Variants in CLOCK observed in about 807,000 individuals in gnomAD.
CLOCK encodes the protein clock circadian regulator.
CLOCK carries 43 observed loss-of-function variants against 118.4 expected under a neutral mutation model. The ratio of observed to expected loss-of-function variants is 0.36; its 90% CI spans 0.28 to 0.47. CLOCK has a LOEUF of 0.47. Among genes scored for constraint, CLOCK ranks in the 20% least tolerant of loss-of-function variants. The pLI, the probability that CLOCK is intolerant of heterozygous loss-of-function variation, is 1.00. For missense variants in CLOCK, 846 were observed against 999.9 expected, an observed-to-expected ratio of 0.85 and a Z score of 2.08; for synonymous variants, 326 against 339.2, an observed-to-expected ratio of 0.96 and a Z score of 0.43.
intron 9 of CLOCK, 121 bp downstream of exon 9, chr4:55,463,564 A>T (rs1353011271): frequency 1.2e-6 from 1 of 803,790 alleles, no homozygotes; most frequent in African/African-American, 1.7e-5. Context: ...TTGAAAAAGG[A>T]CCTAATAGGG....
At chr4:55,486,204 TAG>T (rs918739065) in intron 3 of CLOCK, among the ~76,000 whole-genome samples, 1 of 152,242 alleles carries the variant, frequency 6.6e-6, no homozygotes, top group African/African-American at 2.4e-5. Flanking sequence ...CAGTTTTTCC[TAG>T]AGTTACCATT....
intron 5 of CLOCK, 43 bp downstream of exon 5, chr4:55,479,597 T>G (rs1303280023): frequency 1.5e-5 from 21 of 1,382,800 alleles, no homozygotes; most frequent in Non-Finnish European, 2.1e-5. Context: ...TATATTTATC[T>G]ATTATTCATT....
chr4:55,517,071 C>T (rs11133394), intron 1 of CLOCK, among the ~76,000 whole-genome samples: 82,849 of 152,030 alleles, frequency 0.54, 23,778 homozygotes, highest in East Asian at 0.68. Context: ...ATTGAATACA[C>T]TGTTGATAAC....
rs1722420359 is a variant in CLOCK at position 55,430,396 on chromosome 4, A to G, written c.*5019T>C. The G allele has an allele frequency of 1.3e-5, 2 of 152,222 alleles. No individual in the cohort carries two copies. The highest frequency in any genetic ancestry group is 1.5e-5 in the Non-Finnish European group (1 of 68,024). The allele number at this position is 152,222 out of a possible 1,614,324, so 9.4% of individuals were successfully genotyped here. A position where few individuals can be genotyped will look rare whatever the true frequency, so the allele number is the denominator to read the frequency against. Reference sequence around the variant, plus strand: ...GAATGTAGTGTTATGACATAGGGGGAAAAAACTATGCAAAACAGTCACATG... The same window carrying G: ...GAATGTAGTGTTATGACATAGGGGGGAAAAACTATGCAAAACAGTCACATG... On this transcript the variant is annotated 3_prime_UTR_variant, in exon 23 of 23. Transcript: ENST00000513440.
Position 55,478,888 on chromosome 4 carries a change from A to G in CLOCK, c.183T>C (p.Leu61=). 6.2e-7 allele frequency: 1 copy of G among 1,611,928 alleles called. No homozygotes were observed. Among genetic ancestry groups the G allele is most frequent in the Non-Finnish European group, 8.5e-7 (1 of 1,178,666 alleles). The change falls in exon 6 of 23, where the codon CTT becomes CTC. Residue 61 remains leucine, a synonymous_variant. Coordinates refer to ENST00000513440, the MANE Select transcript of CLOCK (RefSeq NM_004898.4). ...TGTCCATCTTTCTAGCATTACCAGGAAGCATGGATCCCAGTTCTTTAATGA... is the reference window on the plus strand; with the variant it reads ...TGTCCATCTTTCTAGCATTACCAGGGAGCATGGATCCCAGTTCTTTAATGA... ...NVLIKELGSM[L]PGNARKMDKS...
chr4:55,463,793 C>G lies in CLOCK; in HGVS notation c.451G>C (p.Asp151His), dbSNP rs375936156. Residue 151 changes from aspartate to histidine, a missense_variant, in exon 9 of 23, where the codon GAT becomes CAT. Physicochemically the swap from Asp to His is moderately conservative, Grantham distance 81. Around this residue, in one of 4 missense-constraint regions of CLOCK, gnomAD observed 246 missense variants for 300.2 expected, o/e 0.82. Transcript: ENST00000513440. The part of the protein sequence containing the change: ...LLEHLPSDLV[D>H]QSIFNFIPEG... ...GGGATAAAATTAAATATACTTTGAT[C>G]CACAAGATCAGACTGAAAAGAAAAT... 2.7e-5 allele frequency: 44 copies of G among 1,609,558 alleles called. No homozygotes were observed. The highest frequency in any genetic ancestry group is 3.5e-5 in the Non-Finnish European group (41 of 1,177,118).
chr4:55,535,187 A>G (rs1175291176), intron 1 of CLOCK, among the ~76,000 whole-genome samples: 3 of 148,998 alleles, frequency 2.0e-5, no homozygotes, highest in African/African-American at 7.3e-5. Flanking sequence ...TTATCAGTAT[A>G]AAAAAAAATT....
At chr4:55,545,471 A>C (rs1164652612) in intron 1 of CLOCK, 1 of 152,242 alleles carries the variant, frequency 6.6e-6, no homozygotes, top group Non-Finnish European at 1.5e-5. Flanking sequence ...TGGGGGGATC[A>C]GCGTTATAGT....
intron 9 of CLOCK, among the ~76,000 whole-genome samples, chr4:55,459,766 G>A (rs1216433024): frequency 6.6e-6 from 1 of 152,052 alleles, no homozygotes; most frequent in East Asian, 1.9e-4. Context: ...GGGCTCAAGT[G>A]AGCCCCCTGC....
chr4:55,514,365 AATT>A (rs1045258905), intron 1 of CLOCK, among the ~76,000 whole-genome samples: 7 of 152,062 alleles, frequency 4.6e-5, no homozygotes, highest in African/African-American at 1.7e-4. Context: ...CTTTTGAAAA[AATT>A]ATTATTTACC....
At chr4:55,510,332 A>G (rs1729057232) in intron 1 of CLOCK, among the ~76,000 whole-genome samples, 2 of 152,196 alleles carry the variant, frequency 1.3e-5, no homozygotes, top group Admixed American at 1.3e-4. Flanking sequence ...AATTGGTTAG[A>G]AAAGTTCTCC....
rs1020017890 is a variant in CLOCK at position 55,470,801 on chromosome 4, A to G, written c.354T>C (p.Leu118=). ...EEFTQLMLEA[L]DGFFLAIMTD... Reference sequence around the variant, plus strand: ...TCATGATTGCTAAAAAAAAACCATCAAGAGCCTGAAATTAAACATAATGAT... The same window carrying G: ...TCATGATTGCTAAAAAAAAACCATCGAGAGCCTGAAATTAAACATAATGAT... Residue 118 remains leucine (L), a synonymous_variant, in exon 8 of 23, where the codon CTT becomes CTC. Transcript: ENST00000513440. 5 of 1,606,342 alleles carry G rather than the reference A, an allele frequency of 3.1e-6. No individual in the cohort carries two copies. Among genetic ancestry groups the G allele is most frequent in the Non-Finnish European group, 4.3e-6 (5 of 1,173,742 alleles).
chr4:55,471,390 C>T (rs1321557450), intron 7 of CLOCK, among the ~76,000 whole-genome samples: 1 of 152,002 alleles, frequency 6.6e-6, no homozygotes, highest in Non-Finnish European at 1.5e-5. Context: ...GATTTTAGGG[C>T]AGGGGGCTGT....
chr4:55,493,054 T>C (rs1254098260), intron 2 of CLOCK, among the ~76,000 whole-genome samples: 8 of 152,164 alleles, frequency 5.3e-5, no homozygotes, highest in Non-Finnish European at 8.8e-5. Flanking sequence ...ATTACTTTTA[T>C]AATCAGAAAG....
intron 1 of CLOCK, among the ~76,000 whole-genome samples, chr4:55,538,081 GTA>G (rs1216490746): frequency 6.6e-6 from 1 of 152,064 alleles, no homozygotes; most frequent in Non-Finnish European, 1.5e-5. Context: ...CAAATTACTA[GTA>G]TTCGGAATGA....
At chr4:55,499,168 T>A (rs542723956) in intron 2 of CLOCK, among the ~76,000 whole-genome samples, 83 of 21,404 alleles carry the variant, frequency 3.9e-3, no homozygotes, top group South Asian at 0.02. Context: ...CATCTCAGAG[T>A]TGTCAACTGG....
At chr4:55,521,049 TCACG>T (rs1034379433) in intron 1 of CLOCK, among the ~76,000 whole-genome samples, 7 of 152,206 alleles carry the variant, frequency 4.6e-5, no homozygotes, top group Non-Finnish European at 7.3e-5. Context: ...AAGTCTATGC[TCACG>T]GTTTTTTCAG....
chr4:55,450,586 G>A (rs1212763411), intron 15 of CLOCK, among the ~76,000 whole-genome samples: 1 of 152,016 alleles, frequency 6.6e-6, no homozygotes, highest in African/African-American at 2.4e-5. Context: ...TGGCCAACAG[G>A]GTGAAACCCC....
chr4:55,456,371 A>G (rs1056474965), intron 11 of CLOCK, 71 bp from the exon 12 acceptor site: 1 of 1,102,830 alleles, frequency 9.1e-7, no homozygotes, highest in Non-Finnish European at 1.3e-6. Flanking sequence ...TACATATAAA[A>G]ATAAGTCATG....
Sources: allele counts gnomAD v4.1 joint callset (sites outside exome capture counted in the v4.1 genomes callset), GRCh38; gene constraint gnomAD v4.1.1; regional missense constraint gnomAD v4.1.1; transcripts MANE v1.5; gene names NCBI Gene and HGNC (gene_info 2026-07-23, HGNC 2026-07-21).